ZNF254: variants seen among roughly 807,000 people sequenced by gnomAD.
ZNF254 encodes CTD-2017D11.1.
A neutral mutation model predicts 12.4 loss-of-function variants in ZNF254; 10 were observed. That is an observed-to-expected ratio of 0.80 (90% CI 0.50 to 1.36). The LOEUF is 1.36. Ranked by LOEUF, ZNF254 falls within the 40% of genes most tolerant of loss-of-function variation. ZNF254 has a pLI of 0.00. For missense variants in ZNF254, 996 were observed against 763.9 expected (o/e 1.30, Z -3.58); for synonymous variants, 305 against 253.4 (o/e 1.20, Z -1.93).
chr19:24,040,974 T>A (rs925823962), intron 1 of ZNF254, among the ~76,000 whole-genome samples: 21 of 152,242 alleles, frequency 1.4e-4, no homozygotes, highest in Non-Finnish European at 2.5e-4. Context: ...AGCCAATTTC[T>A]GGACCCCTCC....
At chr19:24,055,186 G>A (rs1970794452) in intron 2 of ZNF254, among the ~76,000 whole-genome samples, 1 of 107,558 alleles carries the variant, frequency 9.3e-6, no homozygotes. Flanking sequence ...CTGGGTGATA[G>A]TGCGAGACTC....
At chr19:24,106,265 A>C (rs1479146489) in intron 2 of ZNF254, 199 bp downstream of exon 2, 2 of 714,638 alleles carry the variant, frequency 2.8e-6, no homozygotes, top group African/African-American at 1.9e-5. Flanking sequence ...TGTGTCCTGC[A>C]CTTTAGATTA....
At chr19:24,037,282 G>A (rs1358950003) in intron 1 of ZNF254, among the ~76,000 whole-genome samples, 2 of 152,186 alleles carry the variant, frequency 1.3e-5, no homozygotes, top group Admixed American at 1.3e-4. Flanking sequence ...CCTACTGGGA[G>A]TCAGATGTCC....
intron 2 of ZNF254, among the ~76,000 whole-genome samples, chr19:24,053,701 G>A (rs972243951): frequency 1.3e-5 from 2 of 152,124 alleles, no homozygotes; most frequent in East Asian, 1.9e-4. Flanking sequence ...GTGACATGTG[G>A]CTTGTTCTAA....
At chr19:24,118,451 A>T (rs752620151) in intron 3 of ZNF254, among the ~76,000 whole-genome samples, 1 of 152,022 alleles carries the variant, frequency 6.6e-6, no homozygotes, top group Non-Finnish European at 1.5e-5. Context: ...TGTGATTTTT[A>T]TGCATTTCTC....
At chr19:24,073,847 G>A (rs1971565511) in intron 2 of ZNF254, among the ~76,000 whole-genome samples, 1 of 152,160 alleles carries the variant, frequency 6.6e-6, no homozygotes. Flanking sequence ...ACCTAGAAAT[G>A]GGACATGTGC....
At chr19:24,041,636 C>T in intron 1 of ZNF254, among the ~76,000 whole-genome samples, 1 of 152,238 alleles carries the variant, frequency 6.6e-6, no homozygotes. Context: ...GCCTCCCCGA[C>T]GAGCACCACC....
At chr19:24,056,141 T>G (rs938371393) in intron 2 of ZNF254, among the ~76,000 whole-genome samples, 1 of 152,120 alleles carries the variant, frequency 6.6e-6, no homozygotes, top group Non-Finnish European at 1.5e-5. Flanking sequence ...CTTAAATGAT[T>G]TGAGTCTCCT....
At chr19:24,081,080 A>G (rs1436222013) in intron 2 of ZNF254, among the ~76,000 whole-genome samples, 1 of 151,528 alleles carries the variant, frequency 6.6e-6, no homozygotes, top group East Asian at 1.9e-4. Context: ...CCTTCTCAAA[A>G]AAAAAAAAAA....
At chr19:24,095,339 AT>A (rs942002350) in intron 1 of ZNF254, among the ~76,000 whole-genome samples, 3 of 151,586 alleles carry the variant, frequency 2.0e-5, no homozygotes, top group African/African-American at 2.4e-5. Context: ...ATTGGCCTGA[AT>A]TTTTTTTTGT....
chr19:24,128,916 A>G lies in ZNF254; in HGVS notation c.*936A>G, dbSNP rs1195207834. The G allele has an allele frequency of 5.9e-5, 9 of 152,014 alleles. No homozygotes were observed. The highest frequency in any genetic ancestry group is 5.9e-4 in the Admixed American group (9 of 15,256). The allele number at this position is 152,014 out of a possible 1,614,324, so 9.4% of individuals were successfully genotyped here. ...TTTTTTGAAAATACAGATTTTTTTT[A>G]AAAGTGAATAATGTGTTCAACTCTT... On this transcript the variant is annotated 3_prime_UTR_variant, in exon 4 of 4. Coordinates refer to ENST00000357002, the MANE Select transcript of ZNF254 (RefSeq NM_203282.4).
chr19:24,127,849 C>A lies in ZNF254; in HGVS notation c.1849C>A (p.Leu617Ile). 1 of 1,613,266 alleles carries A rather than the reference C, an allele frequency of 6.2e-7. No homozygotes were observed. The highest frequency in any genetic ancestry group is 8.5e-7 in the Non-Finnish European group (1 of 1,179,700). Residue 617 changes from leucine (L) to isoleucine (I), a missense_variant, in exon 4 of 4, where the codon CTA becomes ATA. By Grantham distance (5) the Leu-to-Ile change is conservative. Transcript: ENST00000357002. Reference sequence around the variant, plus strand: ...CAAAGCATTTTTCTGGTCCTCAACCCTAACTAAACATAAGAGAATTCATAC... The same window carrying A: ...CAAAGCATTTTTCTGGTCCTCAACCATAACTAAACATAAGAGAATTCATAC... ...CGKAFFWSSTLTKHKRIHTGE... is the reference protein window; with the variant it reads ...CGKAFFWSSTITKHKRIHTGE...
chr19:24,059,183 G>T (rs937862884), intron 2 of ZNF254, among the ~76,000 whole-genome samples: 7 of 152,198 alleles, frequency 4.6e-5, no homozygotes, highest in Admixed American at 4.6e-4. Flanking sequence ...GCCCACAGAG[G>T]GCATTATGAC....
upstream of ZNF254, among the ~76,000 whole-genome samples, chr19:24,085,539 G>A (rs890895515): frequency 6.6e-6 from 1 of 151,008 alleles, no homozygotes; most frequent in Non-Finnish European, 1.5e-5. Flanking sequence ...GGGAGGCCAA[G>A]GCAGGTGGAT....
chr19:24,081,724 G>GT (rs1208178470), intron 2 of ZNF254, among the ~76,000 whole-genome samples: 2 of 152,152 alleles, frequency 1.3e-5, no homozygotes, highest in Non-Finnish European at 2.9e-5. Context: ...ATGCCCCCGT[G>GT]TAAAGGGTTT....
chr19:24,099,136 C>A (rs1972852186), intron 1 of ZNF254, among the ~76,000 whole-genome samples: 1 of 150,464 alleles, frequency 6.6e-6, no homozygotes. Flanking sequence ...GCTGAAATTA[C>A]AGGTGCCCTC....
At chr19:24,119,049 T>C (rs1257699293) in intron 3 of ZNF254, among the ~76,000 whole-genome samples, 1 of 151,884 alleles carries the variant, frequency 6.6e-6, no homozygotes, top group Non-Finnish European at 1.5e-5. Flanking sequence ...GAGACAGAGA[T>C]TGGAGTGATT....
At chr19:24,125,269 A>G (rs1285293787) in intron 3 of ZNF254, among the ~76,000 whole-genome samples, 1 of 71,324 alleles carries the variant, frequency 1.4e-5, no homozygotes, top group African/African-American at 5.5e-5. Context: ...TTTTGTGTAT[A>G]TTTTATCTCC....
intron 3 of ZNF254, among the ~76,000 whole-genome samples, chr19:24,119,925 A>G (rs566008708): frequency 6.6e-6 from 1 of 152,126 alleles, no homozygotes; most frequent in South Asian, 2.1e-4. Flanking sequence ...ACATGCTTCA[A>G]TTATTTTTTA....
Sources: allele counts gnomAD v4.1 joint callset (sites outside exome capture counted in the v4.1 genomes callset), GRCh38; gene constraint gnomAD v4.1.1; transcripts MANE v1.5; gene names NCBI Gene and HGNC (gene_info 2026-07-23, HGNC 2026-07-21).